The following GRIN2A variants were observed in gnomAD, a reference collection of about 807,000 sequenced individuals.
The protein encoded by GRIN2A is glutamate ionotropic receptor NMDA type subunit 2A, also known as glutamate receptor ionotropic, NMDA 2A.
A neutral mutation model predicts 113.4 loss-of-function variants in GRIN2A; 22 were observed. The ratio of observed to expected loss-of-function variants is 0.19; its 90% CI spans 0.14 to 0.28. The LOEUF (loss-of-function observed/expected upper bound fraction) is 0.28, where lower values mean the gene tolerates loss of function less well. GRIN2A is among the 10% of genes least tolerant of loss of function. The pLI, the probability that GRIN2A is intolerant of heterozygous loss-of-function variation, is 1.00. For synonymous variants in GRIN2A, 827 were observed against 738.4 expected (o/e 1.12, Z -1.94); for missense variants, 1,502 against 1,887.0 (o/e 0.80, Z 3.78).
rs367548624 is a variant in GRIN2A, at chr16:9,763,788, C to G, written c.3756G>C (p.Gln1252His). Residue 1252 changes from glutamine to histidine, a missense_variant, in exon 13 of 13, where the codon CAG becomes CAC. Coordinates refer to ENST00000330684, the MANE Select transcript of GRIN2A (RefSeq NM_001134407.3). ...CTGGGTTACCTGTCTCCTGAAGCAT[C>G]TGGTCTTCATCGATGTCATAGAGGT... is the stretch of plus-strand genomic sequence containing the variant. ...MGNLYDIDEDQMLQETGNPAT... is the reference protein window; with the variant it reads ...MGNLYDIDEDHMLQETGNPAT... 1 of 1,614,048 alleles carries G rather than the reference C, an allele frequency of 6.2e-7. No homozygotes were observed. Among genetic ancestry groups the G allele is most frequent in the African/African-American group, 1.3e-5 (1 of 74,924 alleles).
rs2872825 is a variant in GRIN2A at position 9,769,336 on chromosome 16, G to T, written c.2357-247C>A. 74,087 of 197,100 alleles carry T rather than the reference G, an allele frequency of 0.38. 14,390 individuals carry two copies. The highest frequency in any genetic ancestry group is 0.49 in the South Asian group (4,770 of 9,666). 12.2% of individuals were successfully genotyped at this position (197,100 alleles called of 1,614,324 possible). A position where few individuals can be genotyped will look rare whatever the true frequency, so the allele number is the denominator to read the frequency against. ...AAATAGAGAATATAATATATATATA[G>T]AGAGAGAGTATAGCAAACTTATTCT... On this transcript the variant is annotated intron_variant, in intron 11 of 12. Coordinates refer to ENST00000330684, the MANE Select transcript of GRIN2A (RefSeq NM_001134407.3).
At chr16:10,075,241 T>C (rs1188983474) in intron 2 of GRIN2A, among the ~76,000 whole-genome samples, 4 of 152,090 alleles carry the variant, frequency 2.6e-5, no homozygotes, top group Admixed American at 2.6e-4. Context: ...TCCTCCCTCC[T>C]TCCCTTTCAT....
At chr16:9,870,417 C>A (rs74666993) in intron 4 of GRIN2A, among the ~76,000 whole-genome samples, 4,186 of 152,110 alleles carry the variant, frequency 0.028, 188 homozygotes, top group African/African-American at 0.096. Context: ...AATAGACACA[C>A]TGGAAGACAC....
chr16:10,078,173 A>G (rs1029993606), intron 2 of GRIN2A, among the ~76,000 whole-genome samples: 1 of 152,228 alleles, frequency 6.6e-6, no homozygotes, highest in Non-Finnish European at 1.5e-5. Context: ...TAATGACAAC[A>G]ACAATAATGA....
chr16:10,154,271 C>T (rs74006793), intron 2 of GRIN2A, among the ~76,000 whole-genome samples: 5,254 of 152,060 alleles, frequency 0.035, 239 homozygotes, highest in African/African-American at 0.1. Context: ...GTTGCATGAA[C>T]GAGAAATAAG....
At chr16:9,843,088 A>G (rs546541520) in intron 5 of GRIN2A, among the ~76,000 whole-genome samples, 10 of 152,178 alleles carry the variant, frequency 6.6e-5, no homozygotes, top group Non-Finnish European at 1.2e-4. Context: ...GAAGAGAGAA[A>G]GAAAGAGAAA....
intron 2 of GRIN2A, among the ~76,000 whole-genome samples, chr16:10,164,423 C>A (rs570088194): frequency 5.9e-5 from 9 of 152,340 alleles, no homozygotes; most frequent in East Asian, 5.8e-4. Context: ...GAGAAAGGAA[C>A]AAACAAGGGC....
chr16:10,022,815 T>C (rs1281479262), intron 2 of GRIN2A, among the ~76,000 whole-genome samples: 1 of 152,210 alleles, frequency 6.6e-6, no homozygotes, highest in Non-Finnish European at 1.5e-5. Flanking sequence ...CTTTTGAGTA[T>C]TATGCCAGCT....
At chr16:9,987,581 C>T (rs988961947) in intron 2 of GRIN2A, among the ~76,000 whole-genome samples, 6 of 152,160 alleles carry the variant, frequency 3.9e-5, no homozygotes, top group African/African-American at 1.4e-4. Flanking sequence ...TCAGCTCTCC[C>T]TTAAGCTAAG....
At chr16:10,126,451 G>A (rs1230706811) in intron 2 of GRIN2A, among the ~76,000 whole-genome samples, 1 of 152,198 alleles carries the variant, frequency 6.6e-6, no homozygotes, top group Non-Finnish European at 1.5e-5. Flanking sequence ...AGAGGCAAGA[G>A]CCAGTGCCCA....
chr16:9,957,976 A>C (rs1351179588), intron 2 of GRIN2A, among the ~76,000 whole-genome samples: 1 of 152,160 alleles, frequency 6.6e-6, no homozygotes, highest in Non-Finnish European at 1.5e-5. Context: ...TTGATTGTGC[A>C]TGCTTCTCTA....
chr16:10,127,456 A>G (rs1443759634), intron 2 of GRIN2A, among the ~76,000 whole-genome samples: 3 of 151,730 alleles, frequency 2.0e-5, no homozygotes, highest in African/African-American at 7.3e-5. Context: ...ACTTCTAATC[A>G]TTTTTCCAAT....
At chr16:9,989,808 G>A (rs977478602) in intron 2 of GRIN2A, among the ~76,000 whole-genome samples, 1 of 152,086 alleles carries the variant, frequency 6.6e-6, no homozygotes, top group Non-Finnish European at 1.5e-5. Flanking sequence ...AATCATAAGA[G>A]AAAAGCAAAT....
chr16:10,149,619 C>A (rs1488290680), intron 2 of GRIN2A, among the ~76,000 whole-genome samples: 1 of 152,176 alleles, frequency 6.6e-6, no homozygotes, highest in East Asian at 1.9e-4. Context: ...CCAAGCACAT[C>A]CCCAAACTGG....
intron 2 of GRIN2A, among the ~76,000 whole-genome samples, chr16:10,068,488 A>G (rs997221473): frequency 3.9e-5 from 6 of 152,176 alleles, no homozygotes; most frequent in Admixed American, 2.0e-4. Context: ...AGTGCTATAC[A>G]CTTTTAAATG....
intron 2 of GRIN2A, among the ~76,000 whole-genome samples, chr16:10,048,828 C>A (rs1396721751): frequency 6.6e-6 from 1 of 152,158 alleles, no homozygotes; most frequent in Non-Finnish European, 1.5e-5. Flanking sequence ...TCCATCTCAA[C>A]CTTGGAGGGT....
intron 2 of GRIN2A, among the ~76,000 whole-genome samples, chr16:9,959,773 A>C (rs776709418): frequency 3.9e-5 from 6 of 152,228 alleles, no homozygotes; most frequent in Admixed American, 6.5e-5. Context: ...CAGGAGTTCG[A>C]GACCAGCCTG....
intron 2 of GRIN2A, among the ~76,000 whole-genome samples, chr16:9,943,579 C>A (rs574083889): frequency 1.3e-5 from 2 of 152,326 alleles, no homozygotes; most frequent in African/African-American, 2.4e-5. Flanking sequence ...CCCATCCACA[C>A]CCATTATCTC....
chr16:10,168,217 G>T (rs1334960924), intron 2 of GRIN2A, among the ~76,000 whole-genome samples: 1 of 152,172 alleles, frequency 6.6e-6, no homozygotes, highest in Non-Finnish European at 1.5e-5. Context: ...ATATGTGTGT[G>T]TGAGTTGATA....
Sources: gnomAD v4.1 joint callset for allele counts (sites outside exome capture counted in the v4.1 genomes callset) on GRCh38, gnomAD v4.1.1 for gene constraint, MANE v1.5 for transcripts, NCBI Gene and HGNC (gene_info 2026-07-23, HGNC 2026-07-21) for gene names.